Variants in NCALD observed in about 807,000 individuals in gnomAD.
NCALD encodes the protein neurocalcin-delta.
NCALD carries 10 observed loss-of-function variants against 18.6 expected under a neutral mutation model. That is an observed-to-expected ratio of 0.54 (90% CI 0.33 to 0.91). The LOEUF is 0.91. Among genes scored for constraint, NCALD ranks in the 40% least tolerant of loss-of-function variants. NCALD has a pLI of 0.03. For synonymous variants in NCALD, 88 were observed against 87.4 expected (o/e 1.01, Z -0.04); for missense variants, 184 against 247.6 (o/e 0.74, Z 1.72).
chr8:101,722,404 T>A (rs1199863191), intron 1 of NCALD, among the ~76,000 whole-genome samples: 2 of 152,212 alleles, frequency 1.3e-5, no homozygotes, highest in African/African-American at 4.8e-5. Context: ...TACCCGGCTT[T>A]CTAGAGCTCT....
At position 101,836,708 on chromosome 8, in the gene NCALD, G is replaced by A. The variant is rs534835005; in HGVS notation, c.-20+50433C>T. Among the ~76,000 whole-genome samples the A allele has an allele frequency of 1.6e-4, 25 of 152,282 alleles. No individual in the cohort carries two copies. The East Asian group carries it at 3.9e-3, about 23-fold the overall frequency. On this transcript the variant is annotated intron_variant, in intron 4 of 6. Coordinates refer to the NCALD transcript ENST00000311028. ...TATCATTACTCCATAAGACTAGAACGATCTTAGTAAGAAGTCTGTGCATTC... is the reference window on the plus strand; with the variant it reads ...TATCATTACTCCATAAGACTAGAACAATCTTAGTAAGAAGTCTGTGCATTC...
intron 1 of NCALD, among the ~76,000 whole-genome samples, chr8:101,736,577 T>C (rs1047532080): frequency 1.3e-5 from 2 of 152,172 alleles, no homozygotes; most frequent in East Asian, 1.9e-4. Context: ...AACCTGGCCA[T>C]GTCCGACAAA....
intron 4 of NCALD, among the ~76,000 whole-genome samples, chr8:101,821,541 C>T (rs899088119): frequency 1.3e-5 from 2 of 152,122 alleles, no homozygotes; most frequent in Admixed American, 6.6e-5. Context: ...CAGAGCCTTC[C>T]AACACCCACA....
At chr8:101,829,203 C>T (rs1380845039) in intron 4 of NCALD, among the ~76,000 whole-genome samples, 1 of 152,004 alleles carries the variant, frequency 6.6e-6, no homozygotes, top group African/African-American at 2.4e-5. Context: ...TATTTGTTAT[C>T]AAAGAAAGGC....
chr8:101,925,770 C>A (rs568340775), intron 2 of NCALD, among the ~76,000 whole-genome samples: 1 of 152,180 alleles, frequency 6.6e-6, no homozygotes, highest in African/African-American at 2.4e-5. Flanking sequence ...AGAAGCTTCA[C>A]ACAGCATTTG....
At chr8:101,764,981 G>A (rs538235625) in intron 1 of NCALD, among the ~76,000 whole-genome samples, 3 of 152,184 alleles carry the variant, frequency 2.0e-5, no homozygotes, top group South Asian at 2.1e-4. Context: ...TGCCTCCTGC[G>A]GCAAGATCAG....
At chr8:101,911,967 G>A (rs1817816665) in intron 3 of NCALD, among the ~76,000 whole-genome samples, 1 of 151,928 alleles carries the variant, frequency 6.6e-6, no homozygotes, top group South Asian at 2.1e-4. Context: ...CTAAATATAA[G>A]GGTTTCTAGA....
intron 4 of NCALD, among the ~76,000 whole-genome samples, chr8:101,819,092 G>A (rs561599466): frequency 6.6e-6 from 1 of 152,234 alleles, no homozygotes; most frequent in Non-Finnish European, 1.5e-5. Flanking sequence ...CCTAAAGAGA[G>A]TGATTACTTA....
intron 2 of NCALD, among the ~76,000 whole-genome samples, chr8:102,002,370 C>T (rs1242513858): frequency 6.6e-6 from 1 of 152,152 alleles, no homozygotes; most frequent in African/African-American, 2.4e-5. Context: ...CACCCAGATT[C>T]ATAAAGCAAG....
intron 2 of NCALD, among the ~76,000 whole-genome samples, chr8:102,000,474 G>A (rs557972606): frequency 2.0e-4 from 31 of 152,320 alleles, no homozygotes; most frequent in Admixed American, 9.1e-4. Flanking sequence ...CCAAACAAAA[G>A]GCAGCAGAAA....
intron 2 of NCALD, among the ~76,000 whole-genome samples, chr8:101,715,378 A>G (rs1261040296): frequency 1.3e-5 from 2 of 152,250 alleles, no homozygotes; most frequent in African/African-American, 4.8e-5. Flanking sequence ...TAAAAACCCT[A>G]GAAGAAAACC....
Position 101,771,111 on chromosome 8 carries a change from A to C in NCALD, c.-20+19751T>G, listed in dbSNP as rs1183343909. Among the ~76,000 whole-genome samples the C allele has an allele frequency of 2.0e-5, 3 of 152,202 alleles. No homozygotes were observed. In the East Asian group the frequency reaches 5.8e-4, roughly 29 times the overall value. On this transcript the variant is annotated intron_variant, in intron 1 of 3. Coordinates refer to ENST00000220931, the MANE Select transcript of NCALD (RefSeq NM_032041.3). ...TACCTACCCCCTCCAAAAAATAAAAATAAAAAAAGAACTGCTATCGGGTAG... is the reference window on the plus strand; with the variant it reads ...TACCTACCCCCTCCAAAAAATAAAACTAAAAAAAGAACTGCTATCGGGTAG...
At chr8:101,930,702 C>T (rs1301488492) in intron 2 of NCALD, among the ~76,000 whole-genome samples, 1 of 152,094 alleles carries the variant, frequency 6.6e-6, no homozygotes, top group East Asian at 1.9e-4. Flanking sequence ...AATGAGTAAG[C>T]AACATTCATC....
chr8:101,921,699 ATTAAT>A (rs1358299166), intron 2 of NCALD, among the ~76,000 whole-genome samples: 1 of 152,232 alleles, frequency 6.6e-6, no homozygotes. Flanking sequence ...AATTATAGCT[ATTAAT>A]TTATTTCTAG....
intron 1 of NCALD, among the ~76,000 whole-genome samples, chr8:102,116,957 C>T (rs1039926175): frequency 2.0e-5 from 3 of 152,122 alleles, no homozygotes; most frequent in African/African-American, 4.8e-5. Context: ...ATAAAAGATG[C>T]GCAGAGGAGA....
intron 4 of NCALD, among the ~76,000 whole-genome samples, chr8:101,801,683 T>A (rs1465204122): frequency 1.8e-5 from 2 of 109,800 alleles, no homozygotes; most frequent in Non-Finnish European, 1.7e-5. Flanking sequence ...TTTTTTTTTT[T>A]TGAGACGGAA....
intron 1 of NCALD, among the ~76,000 whole-genome samples, chr8:102,081,537 A>G: frequency 7.3e-6 from 1 of 137,400 alleles, no homozygotes; most frequent in African/African-American, 2.7e-5. Context: ...GGAGAATTCA[A>G]ATAATGGTAA....
chr8:101,954,360 T>C (rs1819543523), intron 2 of NCALD, among the ~76,000 whole-genome samples: 1 of 152,172 alleles, frequency 6.6e-6, no homozygotes, highest in Admixed American at 6.5e-5. Flanking sequence ...AGCAGAAATA[T>C]TCCCAGCCCT....
chr8:101,849,069 A>T (rs954665630), intron 4 of NCALD, among the ~76,000 whole-genome samples: 4 of 152,182 alleles, frequency 2.6e-5, no homozygotes, highest in Non-Finnish European at 5.9e-5. Context: ...ACATGCATGG[A>T]GTTGGAAGTC....
Sources: gnomAD v4.1 joint callset for allele counts (sites outside exome capture counted in the v4.1 genomes callset) on GRCh38, gnomAD v4.1.1 for gene constraint, MANE v1.5 for transcripts, NCBI Gene and HGNC (gene_info 2026-07-23, HGNC 2026-07-21) for gene names.